PDE1C: variants seen among roughly 807,000 people sequenced by gnomAD.
The protein encoded by PDE1C is dual specificity calcium/calmodulin-dependent 3',5'-cyclic nucleotide phosphodiesterase 1C.
Under a neutral mutation model 93.1 loss-of-function variants are expected in PDE1C, and 62 were observed. The ratio of observed to expected loss-of-function variants is 0.67; its 90% CI spans 0.54 to 0.82. The LOEUF is 0.82. PDE1C is among the 40% of genes least tolerant of loss of function. The probability of loss-of-function intolerance (pLI) is 0.00; values close to 1 mark genes in which losing one functional copy is unlikely to be tolerated. For synonymous variants in PDE1C, 325 were observed against 310.1 expected, an observed-to-expected ratio of 1.05 and a Z score of -0.50; for missense variants, 742 against 884.6, an observed-to-expected ratio of 0.84 and a Z score of 2.04.
the PDE1C span, among the ~76,000 whole-genome samples, chr7:31,740,696 T>C: frequency 6.6e-6 from 1 of 152,216 alleles, no homozygotes; most frequent in African/African-American, 2.4e-5. Flanking sequence ...TGAAACATCA[T>C]ATCATTCTAG....
chr7:32,060,177 A>G (rs1021179119), intron 1 of PDE1C, among the ~76,000 whole-genome samples: 1 of 152,140 alleles, frequency 6.6e-6, no homozygotes, highest in African/African-American at 2.4e-5. Context: ...TCAATTCTCT[A>G]CTTTGTTTTT....
intron 1 of PDE1C, among the ~76,000 whole-genome samples, chr7:32,246,117 C>T (rs1808926111): frequency 6.6e-6 from 1 of 151,748 alleles, no homozygotes; most frequent in Non-Finnish European, 1.5e-5. Context: ...CACAGATGTA[C>T]ACCTCCACTC....
the PDE1C span, among the ~76,000 whole-genome samples, chr7:31,680,500 C>T: frequency 6.6e-6 from 1 of 152,162 alleles, no homozygotes; most frequent in Non-Finnish European, 1.5e-5. Flanking sequence ...TGGCAAGGGA[C>T]CTTGGTCTCT....
chr7:31,899,122 G>T (rs1799654955), intron 2 of PDE1C, among the ~76,000 whole-genome samples: 1 of 149,498 alleles, frequency 6.7e-6, no homozygotes, highest in Non-Finnish European at 1.5e-5. Flanking sequence ...CAAGAGCATG[G>T]GCAGTCCCAC....
intron 3 of PDE1C, among the ~76,000 whole-genome samples, chr7:32,098,221 C>T (rs977687774): frequency 7.6e-5 from 2 of 26,350 alleles, no homozygotes; most frequent in Admixed American, 5.0e-4. Flanking sequence ...CAGAGCGAGA[C>T]TCCGTCTCAA....
At chr7:31,964,954 T>C (rs1809671470) in intron 2 of PDE1C, among the ~76,000 whole-genome samples, 1 of 152,128 alleles carries the variant, frequency 6.6e-6, no homozygotes, top group Admixed American at 6.5e-5. Flanking sequence ...AAAACCCATC[T>C]GTACATCACC....
intron 3 of PDE1C, among the ~76,000 whole-genome samples, chr7:32,131,762 A>G (rs1296887973): frequency 6.6e-6 from 1 of 152,082 alleles, no homozygotes; most frequent in Non-Finnish European, 1.5e-5. Context: ...TTTCACATTC[A>G]TTTCTTCATT....
intron 1 of PDE1C, among the ~76,000 whole-genome samples, chr7:32,353,520 A>T (rs1783969516): frequency 7.0e-6 from 1 of 143,324 alleles, no homozygotes; most frequent in Non-Finnish European, 1.5e-5. Flanking sequence ...TATATTTTTA[A>T]GTCTTTTTAG....
intron 5 of PDE1C, among the ~76,000 whole-genome samples, chr7:31,876,700 T>C (rs1430237335): frequency 6.6e-6 from 1 of 152,128 alleles, no homozygotes; most frequent in Non-Finnish European, 1.5e-5. Flanking sequence ...CTGATTAAAA[T>C]GGGAAATATC....
intron 3 of PDE1C, among the ~76,000 whole-genome samples, chr7:32,120,854 G>C (rs980009169): frequency 6.6e-6 from 1 of 152,080 alleles, no homozygotes; most frequent in Non-Finnish European, 1.5e-5. Context: ...CTCCAGCAAG[G>C]GTTCAGAGCT....
At chr7:32,340,557 T>C (rs1321891585) in intron 1 of PDE1C, among the ~76,000 whole-genome samples, 1 of 152,172 alleles carries the variant, frequency 6.6e-6, no homozygotes, top group Non-Finnish European at 1.5e-5. Flanking sequence ...AGGAAAGCTA[T>C]TGAAGGATTT....
At chr7:32,112,169 G>A (rs945073915) in intron 3 of PDE1C, among the ~76,000 whole-genome samples, 1 of 152,060 alleles carries the variant, frequency 6.6e-6, no homozygotes, top group Non-Finnish European at 1.5e-5. Context: ...CAGGACTTGG[G>A]AAACTCATCT....
At chr7:31,633,233 G>A in the PDE1C span, among the ~76,000 whole-genome samples, 3 of 152,134 alleles carry the variant, frequency 2.0e-5, no homozygotes, top group Non-Finnish European at 2.9e-5. Flanking sequence ...GAGTCCAAGC[G>A]AGCTGTCTTT....
At chr7:32,212,217 C>T (rs961255663) in intron 1 of PDE1C, among the ~76,000 whole-genome samples, 1 of 152,024 alleles carries the variant, frequency 6.6e-6, no homozygotes, top group Admixed American at 6.6e-5. Flanking sequence ...CAAGAGTGTG[C>T]ACATTCCTCC....
chr7:32,120,885 G>T (rs1385391974), intron 3 of PDE1C, among the ~76,000 whole-genome samples: 3 of 152,130 alleles, frequency 2.0e-5, no homozygotes, highest in Non-Finnish European at 4.4e-5. Flanking sequence ...TGAGATGGAC[G>T]AATTGACAGA....
chr7:31,776,663 T>C (rs1312880413), intron 16 of PDE1C, among the ~76,000 whole-genome samples: 1 of 151,578 alleles, frequency 6.6e-6, no homozygotes, highest in African/African-American at 2.4e-5. Flanking sequence ...TGGACACATA[T>C]CTTATATATA....
intron 17 of PDE1C, among the ~76,000 whole-genome samples, chr7:31,761,640 C>A (rs1794838889): frequency 6.6e-6 from 1 of 152,174 alleles, no homozygotes; most frequent in Non-Finnish European, 1.5e-5. Context: ...AACCACATAG[C>A]TTTTAAAACT....
intron 1 of PDE1C, among the ~76,000 whole-genome samples, chr7:32,382,406 T>C (rs1784552559): frequency 6.6e-6 from 1 of 152,118 alleles, no homozygotes; most frequent in Non-Finnish European, 1.5e-5. Flanking sequence ...TTGGCCCCCC[T>C]ACCTTGTATC....
At chr7:32,243,559 C>G (rs1808693527) in intron 1 of PDE1C, among the ~76,000 whole-genome samples, 1 of 152,200 alleles carries the variant, frequency 6.6e-6, no homozygotes, top group Admixed American at 6.5e-5. Context: ...GCTTCCATCA[C>G]ACAGACCTGG....
Sources: allele counts gnomAD v4.1 joint callset (sites outside exome capture counted in the v4.1 genomes callset), GRCh38; gene constraint gnomAD v4.1.1; transcripts MANE v1.5; gene names NCBI Gene and HGNC (gene_info 2026-07-23, HGNC 2026-07-21).